Variants in HCRTR2 observed in about 807,000 individuals in gnomAD.
HCRTR2 encodes the protein orexin receptor type 2.
HCRTR2 carries 22 observed loss-of-function variants against 49.0 expected under a neutral mutation model. The observed-to-expected ratio is 0.45, with a 90% confidence interval of 0.32 to 0.64. The LOEUF is 0.64. Among genes scored for constraint, HCRTR2 ranks in the 30% least tolerant of loss-of-function variants. The probability of loss-of-function intolerance (pLI) is 0.04; values close to 1 mark genes in which losing one functional copy is unlikely to be tolerated. For synonymous variants in HCRTR2, 236 were observed against 205.3 expected, an observed-to-expected ratio of 1.15 and a Z score of -1.28; for missense variants, 491 against 559.4, an observed-to-expected ratio of 0.88 and a Z score of 1.23.
chr6:55,210,136 T>G (rs1328391354), intron 1 of HCRTR2, among the ~76,000 whole-genome samples: 1 of 152,174 alleles, frequency 6.6e-6, no homozygotes, highest in Non-Finnish European at 1.5e-5. Context: ...GCCACTTTTA[T>G]GGTAATAATA....
chr6:55,107,920 A>G (rs1299424960), intron 1 of HCRTR2, among the ~76,000 whole-genome samples: 1 of 152,076 alleles, frequency 6.6e-6, no homozygotes, highest in Non-Finnish European at 1.5e-5. Flanking sequence ...AATTTTGTGC[A>G]TATTCATTGC....
chr6:55,283,730 T>C (rs1385759510), downstream of HCRTR2, among the ~76,000 whole-genome samples: 1 of 152,198 alleles, frequency 6.6e-6, no homozygotes, highest in African/African-American at 2.4e-5. Flanking sequence ...GTGTTCTGAT[T>C]GTATTGAAAC....
At chr6:55,252,016 T>C (rs1766560192) in intron 2 of HCRTR2, among the ~76,000 whole-genome samples, 1 of 152,102 alleles carries the variant, frequency 6.6e-6, no homozygotes, top group South Asian at 2.1e-4. Context: ...AACAAAACTT[T>C]CACTTATAAT....
chr6:55,172,715 A>G (rs1034198650), upstream of HCRTR2, among the ~76,000 whole-genome samples: 2 of 152,230 alleles, frequency 1.3e-5, no homozygotes, highest in East Asian at 1.9e-4. Flanking sequence ...CAGCTTCCTC[A>G]TCTATTAAAG....
chr6:55,132,716 A>T lies in HCRTR2; in HGVS notation c.-378+26171A>T, dbSNP rs1764375496. On this transcript the variant is annotated intron_variant, in intron 1 of 7. Coordinates refer to the HCRTR2 transcript ENST00000615358. ...AATGGGACAGTGGAGCCCTACTCAGACCAACTCCATTTATACCTCTCCCTC... is the reference window on the plus strand; with the variant it reads ...AATGGGACAGTGGAGCCCTACTCAGTCCAACTCCATTTATACCTCTCCCTC... Among the ~76,000 whole-genome samples the T allele has an allele frequency of 2.7e-5, 4 of 150,292 alleles. No individual in the cohort carries two copies. In the South Asian group the frequency reaches 8.4e-4, roughly 31 times the overall value.
intron 1 of HCRTR2, among the ~76,000 whole-genome samples, chr6:55,167,484 A>G (rs929170284): frequency 6.6e-6 from 1 of 152,158 alleles, no homozygotes; most frequent in African/African-American, 2.4e-5. Context: ...ACCTAAAAGT[A>G]AATTTCCTCT....
intron 4 of HCRTR2, among the ~76,000 whole-genome samples, chr6:55,274,558 C>G (rs1362233356): frequency 6.6e-6 from 1 of 151,414 alleles, no homozygotes; most frequent in Non-Finnish European, 1.5e-5. Flanking sequence ...TCAATAGAAC[C>G]AATCTGTAGG....
chr6:55,160,328 C>T (rs562845818), intron 1 of HCRTR2, among the ~76,000 whole-genome samples: 33 of 152,108 alleles, frequency 2.2e-4, no homozygotes, highest in African/African-American at 3.9e-4. Context: ...CAAGAGCTCC[C>T]GAAGGAAGCA....
At chr6:55,229,789 A>G (rs1051902843) in intron 1 of HCRTR2, among the ~76,000 whole-genome samples, 1 of 152,196 alleles carries the variant, frequency 6.6e-6, no homozygotes, top group African/African-American at 2.4e-5. Context: ...TTATGAAAAA[A>G]TGAATAGGTT....
rs181940873 is a variant in HCRTR2, at chr6:55,213,898, T to C, written c.224-34741T>C. Among the ~76,000 whole-genome samples, 7 of 152,022 alleles carry C rather than the reference T, an allele frequency of 4.6e-5. No individual in the cohort carries two copies. In the East Asian group the frequency reaches 1.4e-3, roughly 29 times the overall value. Reference sequence around the variant, plus strand: ...TTCATAGAATGAGTAGAAGAACCCTTAACTCTCAAGGTTTTTTTCCTGGGG... The same window carrying C: ...TTCATAGAATGAGTAGAAGAACCCTCAACTCTCAAGGTTTTTTTCCTGGGG... On this transcript the variant is annotated intron_variant, in intron 1 of 6. Transcript: ENST00000370862.
chr6:55,178,084 A>T (rs1459667059), intron 1 of HCRTR2, among the ~76,000 whole-genome samples: 1 of 152,104 alleles, frequency 6.6e-6, no homozygotes, highest in African/African-American at 2.4e-5. Context: ...GAGCATTATC[A>T]TTTTTTTAAA....
At chr6:55,219,414 T>C (rs1328590340) in intron 1 of HCRTR2, among the ~76,000 whole-genome samples, 1 of 152,186 alleles carries the variant, frequency 6.6e-6, no homozygotes, top group Non-Finnish European at 1.5e-5. Context: ...TTCACCAATA[T>C]GTGTACATTA....
chr6:55,267,404 G>GTTCTGTT (rs1554183278), intron 4 of HCRTR2, among the ~76,000 whole-genome samples: 11 of 124,568 alleles, frequency 8.8e-5, no homozygotes, highest in African/African-American at 3.3e-4. Flanking sequence ...CTCTCTCTCT[G>GTTCTGTT]TTTTTTTTTT....
chr6:55,238,136 C>T (rs1218562948), intron 1 of HCRTR2, among the ~76,000 whole-genome samples: 2 of 152,144 alleles, frequency 1.3e-5, no homozygotes, highest in Non-Finnish European at 2.9e-5. Flanking sequence ...AGTTGAATTT[C>T]TCATCTTCTA....
intron 1 of HCRTR2, among the ~76,000 whole-genome samples, chr6:55,119,421 C>T (rs1764164821): frequency 6.6e-6 from 1 of 152,132 alleles, no homozygotes; most frequent in African/African-American, 2.4e-5. Flanking sequence ...ATTCCTATTT[C>T]TCCACGTCCT....
At position 55,199,862 on chromosome 6, in the gene HCRTR2, G is replaced by A. The variant is rs770201153; in HGVS notation, c.223+25052G>A. 3.3e-5 allele frequency among the ~76,000 whole-genome samples: 5 copies of A among 152,244 alleles called. 1 individual carries two copies. The South Asian group carries it at 8.3e-4, about 25-fold the overall frequency. On this transcript the variant is annotated intron_variant, in intron 1 of 6. Coordinates refer to ENST00000370862, the MANE Select transcript of HCRTR2 (RefSeq NM_001384272.1). ...ATAAGGGAAGGATTTAATCAGTCAG[G>A]CAAAAATCTAAATTCATCACAGGTT... is the stretch of plus-strand genomic sequence containing the variant.
intron 1 of HCRTR2, among the ~76,000 whole-genome samples, chr6:55,214,689 A>G (rs932393365): frequency 8.5e-5 from 13 of 152,048 alleles, no homozygotes; most frequent in African/African-American, 2.7e-4. Context: ...AATAGCAATT[A>G]TAAAGACAAT....
chr6:55,163,000 G>A (rs2127263346), intron 1 of HCRTR2, among the ~76,000 whole-genome samples: 1 of 152,232 alleles, frequency 6.6e-6, no homozygotes, highest in South Asian at 2.1e-4. Context: ...TGTAATCCAA[G>A]CACTTTGGGA....
intron 1 of HCRTR2, among the ~76,000 whole-genome samples, chr6:55,141,706 G>A (rs910090644): frequency 2.0e-5 from 3 of 152,056 alleles, no homozygotes; most frequent in African/African-American, 7.2e-5. Context: ...ATCTAAAGAA[G>A]CCTAGAGAAC....
Sources: allele counts gnomAD v4.1 joint callset (sites outside exome capture counted in the v4.1 genomes callset), GRCh38; gene constraint gnomAD v4.1.1; transcripts MANE v1.5; gene names NCBI Gene and HGNC (gene_info 2026-07-23, HGNC 2026-07-21).